The following CCDC7 variants were observed in gnomAD, a reference collection of about 807,000 sequenced individuals.
The protein encoded by CCDC7 is coiled-coil domain-containing protein 7.
Under a neutral mutation model 196.9 loss-of-function variants are expected in CCDC7, and 183 were observed. The observed-to-expected ratio is 0.93, with a 90% CI of 0.82 to 1.05. The LOEUF (loss-of-function observed/expected upper bound fraction) is 1.05, where lower values mean the gene tolerates loss of function less well. CCDC7 is among the 50% of genes least tolerant of loss of function. CCDC7 has a pLI of 0.00. For synonymous variants in CCDC7, 525 were observed against 484.6 expected, an observed-to-expected ratio of 1.08 and a Z score of -1.10; for missense variants, 1,540 against 1,482.2, an observed-to-expected ratio of 1.04 and a Z score of -0.64.
intron 30 of CCDC7, among the ~76,000 whole-genome samples, chr10:32,810,583 C>G (rs968457291): frequency 6.6e-6 from 1 of 152,052 alleles, no homozygotes; most frequent in African/African-American, 2.4e-5. Context: ...ACTTCAACAC[C>G]TCATTCTCAG....
intron 32 of CCDC7, among the ~76,000 whole-genome samples, chr10:32,832,127 A>G (rs1189138879): frequency 6.6e-6 from 1 of 152,162 alleles, no homozygotes; most frequent in Non-Finnish European, 1.5e-5. Flanking sequence ...TAGTCTAAAC[A>G]TCATGTTTGT....
At chr10:32,490,988 C>T (rs1233182629) in intron 8 of CCDC7, among the ~76,000 whole-genome samples, 2 of 152,124 alleles carry the variant, frequency 1.3e-5, no homozygotes, top group Admixed American at 1.3e-4. Context: ...GACTTGGTTT[C>T]TTGGTTGTAC....
At chr10:32,777,926 C>G (rs1213687304) in intron 28 of CCDC7, among the ~76,000 whole-genome samples, 5 of 152,156 alleles carry the variant, frequency 3.3e-5, no homozygotes, top group African/African-American at 1.2e-4. Context: ...TTTTAAATTG[C>G]ATTTCTCTGA....
upstream of CCDC7, among the ~76,000 whole-genome samples, chr10:32,448,565 T>C (rs1440205736): frequency 6.6e-6 from 1 of 152,062 alleles, no homozygotes; most frequent in Admixed American, 6.5e-5. Flanking sequence ...TGTTTTTATA[T>C]TTTATTCTCT....
chr10:32,843,915 T>A (rs1272840965), intron 33 of CCDC7, among the ~76,000 whole-genome samples: 2 of 152,010 alleles, frequency 1.3e-5, no homozygotes, highest in Admixed American at 6.6e-5. Context: ...CCTCAGCTGG[T>A]CCATACTTTG....
Position 32,828,445 on chromosome 10 carries a change from A to G in CCDC7, c.3268+3841A>G, listed in dbSNP as rs796761681. Among the ~76,000 whole-genome samples the G allele has an allele frequency of 2.7e-3, 197 of 72,596 alleles. 5 individuals carry two copies. Among genetic ancestry groups the G allele is most frequent in the Middle Eastern group, 0.022 (3 of 134 alleles). The allele number at this position is 72,596 out of a possible 152,430, so 47.6% of individuals were successfully genotyped here. Reference sequence around the variant, plus strand: ...AGAAGAAGAAGGAAGGAAGGAGAAGAAGAAGAAGAAGAAGAAGAAGAGGAA... The same window carrying G: ...AGAAGAAGAAGGAAGGAAGGAGAAGGAGAAGAAGAAGAAGAAGAAGAGGAA... On this transcript the variant is annotated intron_variant, in intron 32 of 41. Transcript: ENST00000639629.
intron 32 of CCDC7, among the ~76,000 whole-genome samples, chr10:32,831,137 GCAT>G (rs2092119437): frequency 6.6e-6 from 1 of 152,180 alleles, no homozygotes; most frequent in Non-Finnish European, 1.5e-5. Context: ...GACTTGTACA[GCAT>G]GTTACTGGAC....
intron 28 of CCDC7, among the ~76,000 whole-genome samples, chr10:32,735,330 G>A (rs947570483): frequency 1.3e-5 from 2 of 152,198 alleles, no homozygotes; most frequent in Non-Finnish European, 2.9e-5. Context: ...AGCAATGAGT[G>A]AGAGTTCCCA....
intron 25 of CCDC7, among the ~76,000 whole-genome samples, chr10:32,725,573 A>G (rs1051269094): frequency 6.6e-6 from 1 of 152,078 alleles, no homozygotes; most frequent in Non-Finnish European, 1.5e-5. Flanking sequence ...GTAATTTATG[A>G]AGAAAAGAGG....
At position 32,613,650 on chromosome 10, in the gene CCDC7, C is replaced by G. The variant is rs530636494; in HGVS notation, c.1802-20604C>G. On this transcript the variant is annotated intron_variant, in intron 18 of 41. Coordinates refer to ENST00000639629, the Ensembl canonical transcript of CCDC7. ...TTTGTTTCCAAGAACTTATTTATTT[C>G]TGCCTTAATTTTGTTATTTACACAG... 2.8e-4 allele frequency among the ~76,000 whole-genome samples: 43 copies of G among 152,240 alleles called. No individual in the cohort carries two copies. In the East Asian group the frequency reaches 8.1e-3, roughly 29 times the overall value.
chr10:32,612,744 C>G (rs963707175), intron 18 of CCDC7, among the ~76,000 whole-genome samples: 5 of 152,054 alleles, frequency 3.3e-5, no homozygotes, highest in African/African-American at 1.2e-4. Context: ...GTTGAACCAG[C>G]CTTGTGTCCC....
At position 32,567,744 on chromosome 10, in the gene CCDC7, T is replaced by A. The variant is rs143709269; in HGVS notation, c.1272T>A (p.Thr424=). The A allele has an allele frequency of 2.1e-4, 333 of 1,613,440 alleles. 2 individuals carry two copies. In the East Asian group the frequency reaches 7.2e-3, roughly 35 times the overall value. Residue 424 remains threonine, a synonymous_variant, in exon 15 of 42, where the codon ACT becomes ACA. Coordinates refer to ENST00000639629, the Ensembl canonical transcript of CCDC7. ...AGTTACTTAAAAGTGAGGGGAAAAC[T>A]GAGACAACAATGCAAGTGGGTAATA...
chr10:32,735,522 G>C (rs538726654), intron 28 of CCDC7, among the ~76,000 whole-genome samples: 1 of 151,880 alleles, frequency 6.6e-6, no homozygotes, highest in South Asian at 2.1e-4. Flanking sequence ...TATCTTTTTT[G>C]GTATCTCTTC....
chr10:32,511,612 C>G, intron 9 of CCDC7: 2 of 1,591,004 alleles, frequency 1.3e-6, no homozygotes, highest in Non-Finnish European at 1.7e-6. Context: ...ACTTCTGCAA[C>G]AACTCATTTC....
intron 8 of CCDC7, among the ~76,000 whole-genome samples, chr10:32,481,388 CCT>C (rs1256399694): frequency 2.0e-5 from 3 of 151,978 alleles, no homozygotes; most frequent in East Asian, 1.9e-4. Flanking sequence ...TCTTTTATTC[CCT>C]GTTTGCTATC....
intron 16 of CCDC7, among the ~76,000 whole-genome samples, chr10:32,582,333 A>G (rs1023711399): frequency 1.3e-5 from 2 of 151,792 alleles, no homozygotes; most frequent in African/African-American, 2.4e-5. Context: ...AATTATGTCA[A>G]CTGGGGTAAT....
intron 18 of CCDC7, among the ~76,000 whole-genome samples, chr10:32,603,509 T>C (rs1405116050): frequency 6.6e-6 from 1 of 151,176 alleles, no homozygotes; most frequent in East Asian, 1.9e-4. Flanking sequence ...TTTTTAGCTT[T>C]TTGAGAAACC....
At chr10:32,811,906 T>C (rs1294184013) in intron 30 of CCDC7, among the ~76,000 whole-genome samples, 1 of 152,076 alleles carries the variant, frequency 6.6e-6, no homozygotes, top group African/African-American at 2.4e-5. Context: ...GATGTAAGGG[T>C]GGTTTAACAT....
chr10:32,775,663 C>A (rs531515235), intron 28 of CCDC7, among the ~76,000 whole-genome samples: 20 of 152,156 alleles, frequency 1.3e-4, no homozygotes, highest in African/African-American at 4.6e-4. Flanking sequence ...CAGTGATTGG[C>A]CCTTAAATTG....
Sources: allele counts gnomAD v4.1 joint callset (sites outside exome capture counted in the v4.1 genomes callset), GRCh38; gene constraint gnomAD v4.1.1; transcripts MANE v1.5; gene names NCBI Gene and HGNC (gene_info 2026-07-23, HGNC 2026-07-21).